The following CHN1 variants were observed in gnomAD, a reference collection of about 807,000 sequenced individuals.
CHN1 encodes the protein N-chimaerin.
A neutral mutation model predicts 59.5 loss-of-function variants in CHN1; 37 were observed. The ratio of observed to expected loss-of-function variants is 0.62; its 90% confidence interval spans 0.48 to 0.82. The LOEUF (loss-of-function observed/expected upper bound fraction) is 0.82, where lower values mean the gene tolerates loss of function less well. Among genes scored for constraint, CHN1 ranks in the 40% least tolerant of loss-of-function variants. The pLI, the probability that CHN1 is intolerant of heterozygous loss-of-function variation, is 0.00. For missense variants in CHN1, 469 were observed against 571.0 expected (o/e 0.82, Z 1.82); for synonymous variants, 206 against 200.4 (o/e 1.03, Z -0.24).
chr2:174,890,952 C>T (rs1252395875), intron 5 of CHN1, among the ~76,000 whole-genome samples: 4 of 149,776 alleles, frequency 2.7e-5, no homozygotes, highest in African/African-American at 7.4e-5. Flanking sequence ...AGGGCTAACA[C>T]GGTGAAACCC....
chr2:174,891,920 A>C (rs554537570), intron 5 of CHN1, among the ~76,000 whole-genome samples: 5 of 152,324 alleles, frequency 3.3e-5, no homozygotes, highest in African/African-American at 7.2e-5. Flanking sequence ...GAAACAAGAA[A>C]TATTACAACT....
chr2:174,955,146 C>T (rs1200355872), intron 1 of CHN1, among the ~76,000 whole-genome samples: 1 of 135,206 alleles, frequency 7.4e-6, no homozygotes, highest in African/African-American at 2.9e-5. Context: ...CTATATATCT[C>T]TATATATCTA....
rs181257200 is a variant in CHN1 at position 175,001,828 on chromosome 2, C to A, written c.19+3066G>T. ...ATTCACCCAGCTCTGCCAACTAAGG[C>A]TCTATTGGTGTGGCCAATCAGGACA... On this transcript the variant is annotated intron_variant, in intron 1 of 12. Coordinates refer to ENST00000409900, the MANE Select transcript of CHN1 (RefSeq NM_001822.7). Among the ~76,000 whole-genome samples, 57 of 152,360 alleles carry A rather than the reference C, an allele frequency of 3.7e-4. No individual in the cohort carries two copies. The East Asian group carries it at 0.01, about 28-fold the overall frequency.
At chr2:174,929,124 T>C (rs753703064) in intron 3 of CHN1, among the ~76,000 whole-genome samples, 18 of 152,242 alleles carry the variant, frequency 1.2e-4, no homozygotes, top group Non-Finnish European at 5.9e-5. Flanking sequence ...TTACCAGTAC[T>C]AGAAATGCAG....
At chr2:174,878,226 TTGTG>T in intron 5 of CHN1, 98 bp from the exon 6 acceptor site, 1 of 1,098,892 alleles carries the variant, frequency 9.1e-7, no homozygotes, top group Non-Finnish European at 1.3e-6. Context: ...TCGCTTTGTT[TTGTG>T]TGTGTCTTCT....
intron 6 of CHN1, among the ~76,000 whole-genome samples, chr2:174,850,934 T>C (rs1358581138): frequency 6.6e-6 from 1 of 152,148 alleles, no homozygotes; most frequent in Non-Finnish European, 1.5e-5. Flanking sequence ...CTGGGAAGCA[T>C]GTTGCATAAT....
chr2:174,910,371 T>C (rs905133088), intron 5 of CHN1, among the ~76,000 whole-genome samples: 49 of 152,126 alleles, frequency 3.2e-4, no homozygotes, highest in African/African-American at 1.1e-3. Context: ...CCATATTAAA[T>C]GTCCAACGTT....
Position 174,966,458 on chromosome 2 carries a change from C to T in CHN1, c.20-14256G>A, listed in dbSNP as rs535017077. 7.9e-5 allele frequency among the ~76,000 whole-genome samples: 12 copies of T among 152,262 alleles called. No individual in the cohort carries two copies. In the South Asian group the frequency reaches 2.5e-3, roughly 32 times the overall value. ...TCAATTCCTGACCACGGACCCACAG[C>T]CTGGGCAAACAAAGCCTCTTAAATG... On this transcript the variant is annotated intron_variant, in intron 1 of 12. Coordinates refer to ENST00000409900, the MANE Select transcript of CHN1 (RefSeq NM_001822.7).
intron 5 of CHN1, among the ~76,000 whole-genome samples, chr2:174,898,374 G>T (rs1442230067): frequency 6.6e-6 from 1 of 151,966 alleles, no homozygotes; most frequent in Non-Finnish European, 1.5e-5. Context: ...AGCCAAGGCG[G>T]GCGGATCACG....
At chr2:174,871,343 C>A (rs1687401390) in intron 6 of CHN1, among the ~76,000 whole-genome samples, 1 of 151,832 alleles carries the variant, frequency 6.6e-6, no homozygotes, top group South Asian at 2.1e-4. Flanking sequence ...ATTCTGAATT[C>A]TTTAAGGGAA....
chr2:174,837,014 T>C (rs1686107489), intron 7 of CHN1: 1 of 152,236 alleles, frequency 6.6e-6, no homozygotes, highest in Admixed American at 6.5e-5. Flanking sequence ...CTTCAATTAA[T>C]GCTGGACTTT....
At chr2:174,956,355 A>T (rs944099000) in intron 1 of CHN1, among the ~76,000 whole-genome samples, 18 of 152,216 alleles carry the variant, frequency 1.2e-4, no homozygotes, top group African/African-American at 4.3e-4. Flanking sequence ...AAATTCTTCA[A>T]AAACAGAGGG....
chr2:174,862,682 TTTTG>T (rs1319607553), intron 6 of CHN1, among the ~76,000 whole-genome samples: 10 of 152,294 alleles, frequency 6.6e-5, no homozygotes, highest in Admixed American at 3.9e-4. Flanking sequence ...ACTGTAGGCT[TTTTG>T]TTTGTTTTCA....
intron 12 of CHN1, 106 bp downstream of exon 12, chr2:174,801,601 A>G (rs1684723343): frequency 2.6e-6 from 2 of 764,524 alleles, no homozygotes; most frequent in Non-Finnish European, 4.4e-6. Context: ...CTATGCATTT[A>G]TTTATTCATT....
At chr2:174,988,276 G>C (rs1435973554) in intron 1 of CHN1, among the ~76,000 whole-genome samples, 1 of 150,626 alleles carries the variant, frequency 6.6e-6, no homozygotes, top group Non-Finnish European at 1.5e-5. Flanking sequence ...AGAATGGCGT[G>C]AACCCGGGAG....
chr2:174,997,024 C>T (rs1691731310), intron 1 of CHN1, among the ~76,000 whole-genome samples: 2 of 152,194 alleles, frequency 1.3e-5, no homozygotes, highest in African/African-American at 2.4e-5. Flanking sequence ...CATTTGCCAC[C>T]TGGCACATTA....
At chr2:174,822,211 G>A (rs1685521257) in intron 8 of CHN1, among the ~76,000 whole-genome samples, 1 of 152,126 alleles carries the variant, frequency 6.6e-6, no homozygotes, top group Non-Finnish European at 1.5e-5. Flanking sequence ...TGAATATAAT[G>A]CTTTTAAGGA....
intron 5 of CHN1, among the ~76,000 whole-genome samples, chr2:174,907,619 T>G (rs1461609320): frequency 3.3e-5 from 5 of 151,410 alleles, no homozygotes; most frequent in South Asian, 2.1e-4. Flanking sequence ...TTTGGTTTTT[T>G]TTTTTTTTTT....
At chr2:174,952,828 T>C (rs1438346777) in intron 1 of CHN1, among the ~76,000 whole-genome samples, 1 of 152,190 alleles carries the variant, frequency 6.6e-6, no homozygotes, top group Non-Finnish European at 1.5e-5. Flanking sequence ...TTCAAGTCCA[T>C]TTCCCCTCAT....
Sources: allele counts gnomAD v4.1 joint callset (sites outside exome capture counted in the v4.1 genomes callset), GRCh38; gene constraint gnomAD v4.1.1; transcripts MANE v1.5; gene names NCBI Gene and HGNC (gene_info 2026-07-23, HGNC 2026-07-21).